The following ANO2 variants were observed in gnomAD, a reference collection of about 807,000 sequenced individuals.
ANO2 encodes the protein anoctamin 2.
ANO2 carries 101 observed loss-of-function variants against 124.2 expected under a neutral mutation model. The observed-to-expected ratio is 0.81, with a 90% CI of 0.69 to 0.96. The LOEUF is 0.96. ANO2 is among the 40% of genes least tolerant of loss of function. ANO2 has a pLI of 0.00. For synonymous variants in ANO2, 486 were observed against 482.5 expected (o/e 1.01, Z -0.09); for missense variants, 1,293 against 1,274.5 (o/e 1.01, Z -0.22).
intron 4 of ANO2, among the ~76,000 whole-genome samples, chr12:5,849,509 C>T (rs1048484512): frequency 1.7e-4 from 26 of 152,222 alleles, no homozygotes; most frequent in African/African-American, 6.3e-4. Context: ...CTGCTCGGGG[C>T]CAAAGGCCAG....
intron 3 of ANO2, among the ~76,000 whole-genome samples, chr12:5,920,598 G>A (rs541902561): frequency 9.2e-5 from 14 of 152,196 alleles, no homozygotes; most frequent in Admixed American, 3.3e-4. Flanking sequence ...AGGCACGGTG[G>A]CTCACACCTG....
At chr12:5,584,155 TAA>T (rs1245802053) in intron 20 of ANO2, 2 of 162,582 alleles carry the variant, frequency 1.2e-5, no homozygotes, top group African/African-American at 5.3e-5. Flanking sequence ...GCAAGAATAT[TAA>T]TGTTGATCAT....
intron 3 of ANO2, among the ~76,000 whole-genome samples, chr12:5,868,871 G>T (rs1304696800): frequency 1.4e-5 from 2 of 139,484 alleles, no homozygotes; most frequent in Non-Finnish European, 1.5e-5. Flanking sequence ...CAGCACCAGA[G>T]AGGACAGGGA....
At chr12:5,631,991 C>G (rs1458225385) in intron 16 of ANO2, among the ~76,000 whole-genome samples, 1 of 151,972 alleles carries the variant, frequency 6.6e-6, no homozygotes, top group Non-Finnish European at 1.5e-5. Flanking sequence ...ATGGCACAGG[C>G]GTTAGGCTGT....
chr12:5,722,404 G>C lies in ANO2; in HGVS notation c.1545+10116C>G, dbSNP rs1457996835. Among the ~76,000 whole-genome samples, 6 of 152,272 alleles carry C rather than the reference G, an allele frequency of 3.9e-5. No individual in the cohort carries two copies. In the East Asian group the frequency reaches 1.2e-3, roughly 29 times the overall value. On this transcript the variant is annotated intron_variant, in intron 14 of 24. Transcript: ENST00000682330. ...CGCCTGTAGTCCCAGCTACTCAGGA[G>C]GCTGAGGCAGGAGAATGGCGTGAAC... is the stretch of plus-strand genomic sequence containing the variant.
At chr12:5,576,522 C>G (rs985319991) in intron 22 of ANO2, among the ~76,000 whole-genome samples, 1 of 152,172 alleles carries the variant, frequency 6.6e-6, no homozygotes, top group Non-Finnish European at 1.5e-5. Flanking sequence ...CACTTTTTAG[C>G]ATGTCATGTA....
At chr12:5,640,264 G>C (rs929504507) in intron 15 of ANO2, among the ~76,000 whole-genome samples, 3 of 152,146 alleles carry the variant, frequency 2.0e-5, no homozygotes, top group African/African-American at 7.2e-5. Context: ...TTCAAGCACA[G>C]GGGTGAAGAA....
chr12:5,707,828 AT>A (rs910690427), intron 14 of ANO2, among the ~76,000 whole-genome samples: 3 of 152,276 alleles, frequency 2.0e-5, no homozygotes, highest in Admixed American at 1.3e-4. Context: ...TCTTGTGTTC[AT>A]TTTTTCTAAA....
intron 3 of ANO2, among the ~76,000 whole-genome samples, chr12:5,920,617 G>A (rs1941644309): frequency 2.0e-5 from 3 of 152,140 alleles, no homozygotes; most frequent in Admixed American, 2.0e-4. Context: ...TGTAATCCCA[G>A]CACTTTGGGA....
At chr12:5,851,319 G>C (rs1954890702) in intron 4 of ANO2, among the ~76,000 whole-genome samples, 1 of 152,172 alleles carries the variant, frequency 6.6e-6, no homozygotes, top group South Asian at 2.1e-4. Flanking sequence ...AGATACCAGA[G>C]GGACCAAAGG....
chr12:5,930,663 A>C (rs911961206), intron 1 of ANO2, among the ~76,000 whole-genome samples: 1 of 151,934 alleles, frequency 6.6e-6, no homozygotes, highest in African/African-American at 2.4e-5. Context: ...CAACATTTAC[A>C]CCCAGGTCTC....
At chr12:5,852,052 A>G (rs1954928725) in intron 4 of ANO2, 4 of 703,236 alleles carry the variant, frequency 5.7e-6, no homozygotes, top group Non-Finnish European at 1.0e-5. Context: ...GATAAACCAG[A>G]GAGAAAGGAG....
chr12:5,793,307 G>A (rs1565673298), intron 10 of ANO2, among the ~76,000 whole-genome samples: 1 of 151,970 alleles, frequency 6.6e-6, no homozygotes, highest in Non-Finnish European at 1.5e-5. Flanking sequence ...ATCAAGCAGA[G>A]GCTGGGCATT....
chr12:5,923,187 C>T (rs1251529903), intron 1 of ANO2, among the ~76,000 whole-genome samples: 1 of 111,750 alleles, frequency 8.9e-6, no homozygotes, highest in African/African-American at 4.3e-5. Context: ...CACACACATA[C>T]ACACACACGC....
intron 5 of ANO2, among the ~76,000 whole-genome samples, chr12:5,831,450 C>T (rs1011104323): frequency 2.6e-5 from 4 of 152,110 alleles, no homozygotes; most frequent in Non-Finnish European, 5.9e-5. Flanking sequence ...TGCAGGGAAG[C>T]ACCACAGGAC....
At chr12:5,876,102 C>A (rs1938079781) in intron 3 of ANO2, among the ~76,000 whole-genome samples, 2 of 152,300 alleles carry the variant, frequency 1.3e-5, no homozygotes, top group African/African-American at 4.8e-5. Context: ...AAGGAAGCAT[C>A]CCCCTCAGTC....
rs559804508 is a variant in ANO2 at position 5,563,006 on chromosome 12, C to T, written c.*293G>A. 20 of 420,272 alleles carry T rather than the reference C, an allele frequency of 4.8e-5. No homozygotes were observed. The highest frequency in any genetic ancestry group is 3.8e-4 in the African/African-American group (19 of 50,584). 26.0% of individuals were successfully genotyped at this position (420,272 alleles called of 1,614,324 possible). On this transcript the variant is annotated 3_prime_UTR_variant, in exon 25 of 25. Coordinates refer to ENST00000682330, the MANE Select transcript of ANO2 (RefSeq NM_001364791.2). ...GGGTACATGGGAATGCTCGCGGTGC[C>T]TGAGACTCTGGGGTGGAGAGACCCC...
intron 3 of ANO2, among the ~76,000 whole-genome samples, chr12:5,913,195 C>T (rs1941161116): frequency 6.6e-6 from 1 of 152,144 alleles, no homozygotes; most frequent in Non-Finnish European, 1.5e-5. Context: ...GATTCTAAGC[C>T]CTAGTTTCCC....
chr12:5,859,366 A>G (rs1955198393), intron 3 of ANO2, among the ~76,000 whole-genome samples: 1 of 152,220 alleles, frequency 6.6e-6, no homozygotes, highest in Non-Finnish European at 1.5e-5. Flanking sequence ...ATGTCTCAAA[A>G]AAACTATGCA....
Sources: allele counts gnomAD v4.1 joint callset (sites outside exome capture counted in the v4.1 genomes callset), GRCh38; gene constraint gnomAD v4.1.1; transcripts MANE v1.5; gene names NCBI Gene and HGNC (gene_info 2026-07-23, HGNC 2026-07-21).